CLECL1: variants seen among roughly 807,000 people sequenced by gnomAD.
The protein encoded by CLECL1 is C-type lectin-like domain family 1.
chr12:9,731,509 T>C (rs1866447052), intron 1 of CLECL1, among the ~76,000 whole-genome samples: 1 of 152,194 alleles, frequency 6.6e-6, no homozygotes, highest in Admixed American at 6.5e-5. Context: ...GGAACAATTG[T>C]GTAGGACTCT....
chr12:9,708,838 A>G, the CLECL1 span: 69 of 207,390 alleles, frequency 3.3e-4, no homozygotes, highest in African/African-American at 1.5e-3. Flanking sequence ...CTGAAAGAAG[A>G]GAATGATGGA....
upstream of CLECL1, chr12:9,733,111 A>C (rs113575400): frequency 6.2e-7 from 1 of 1,613,172 alleles, no homozygotes; most frequent in Admixed American, 1.7e-5. Flanking sequence ...GAAACTTCTG[A>C]TAAGTAAATT....
chr12:9,708,716 G>T, the CLECL1 span, among the ~76,000 whole-genome samples: 1 of 152,146 alleles, frequency 6.6e-6, no homozygotes, highest in African/African-American at 2.4e-5. Flanking sequence ...GGTACCTACC[G>T]CATTGGTACC....
intron 1 of CLECL1, 137 bp downstream of exon 1, chr12:9,732,812 C>G (rs907376584): frequency 2.9e-6 from 2 of 685,902 alleles, no homozygotes; most frequent in African/African-American, 3.6e-5. Flanking sequence ...AACATTCGCT[C>G]TTATTCTTAG....
At chr12:9,702,925 A>G in the CLECL1 span, among the ~76,000 whole-genome samples, 1 of 152,320 alleles carries the variant, frequency 6.6e-6, no homozygotes, top group South Asian at 2.1e-4. Flanking sequence ...TTTCAGTAAA[A>G]TCAGTGAAGG....
chr12:9,724,068 C>A (rs1866346553), intron 3 of CLECL1, among the ~76,000 whole-genome samples: 1 of 151,118 alleles, frequency 6.6e-6, no homozygotes, highest in Non-Finnish European at 1.5e-5. Context: ...GTGCCTGTAA[C>A]CCCAGCTACT....
chr12:9,703,953 TATG>T, the CLECL1 span: 126 of 151,702 alleles, frequency 8.3e-4, no homozygotes, highest in Non-Finnish European at 1.7e-3. Flanking sequence ...TGAACATATG[TATG>T]ATATTTTCCA....
intron 3 of CLECL1, among the ~76,000 whole-genome samples, chr12:9,725,489 C>T (rs753640997): frequency 2.6e-4 from 40 of 152,144 alleles, no homozygotes; most frequent in Admixed American, 9.8e-4. Flanking sequence ...AGTTTCACTT[C>T]TCTGATAGAC....
At chr12:9,733,839 T>G (rs746937953), upstream of CLECL1, among the ~76,000 whole-genome samples, 2 of 152,334 alleles carry the variant, frequency 1.3e-5, no homozygotes, top group East Asian at 3.9e-4. Flanking sequence ...TGAATAAAAA[T>G]TTGTTAGTCT....
At chr12:9,706,492 T>C in the CLECL1 span, among the ~76,000 whole-genome samples, 3 of 152,234 alleles carry the variant, frequency 2.0e-5, no homozygotes, top group East Asian at 5.8e-4. Flanking sequence ...TGACTGTAGA[T>C]TTGTCATATA....
upstream of CLECL1, among the ~76,000 whole-genome samples, chr12:9,733,710 A>T (rs1380062711): frequency 6.6e-6 from 1 of 152,028 alleles, no homozygotes; most frequent in Non-Finnish European, 1.5e-5. Flanking sequence ...AGGTAATGAC[A>T]TAAAAGAAAA....
At chr12:9,725,288 T>C (rs1027098187) in intron 3 of CLECL1, among the ~76,000 whole-genome samples, 2 of 152,122 alleles carry the variant, frequency 1.3e-5, no homozygotes, top group Non-Finnish European at 2.9e-5. Context: ...TCAACATATC[T>C]TCAAAAAACA....
chr12:9,707,252 G>T, the CLECL1 span, among the ~76,000 whole-genome samples: 1 of 152,154 alleles, frequency 6.6e-6, no homozygotes, highest in South Asian at 2.1e-4. Context: ...TAGGCATGCA[G>T]TAGATACCAG....
chr12:9,720,531 G>A (rs539157936), downstream of CLECL1, among the ~76,000 whole-genome samples: 4 of 152,004 alleles, frequency 2.6e-5, 1 homozygote, highest in African/African-American at 4.8e-5. Context: ...TAGTAGAGAC[G>A]GGGTTTCTCC....
chr12:9,725,698 A>G (rs1470080808), intron 3 of CLECL1, among the ~76,000 whole-genome samples: 1 of 152,078 alleles, frequency 6.6e-6, no homozygotes, highest in African/African-American at 2.4e-5. Context: ...GAGAAACAAC[A>G]CTGTTGTTTC....
At chr12:9,708,121 A>G in the CLECL1 span, among the ~76,000 whole-genome samples, 6 of 152,150 alleles carry the variant, frequency 3.9e-5, no homozygotes, top group Non-Finnish European at 7.4e-5. Flanking sequence ...GGACTGTACA[A>G]GGTGCTTCTT....
At chr12:9,727,125 A>C (rs1277422307) in intron 3 of CLECL1, among the ~76,000 whole-genome samples, 1 of 151,802 alleles carries the variant, frequency 6.6e-6, no homozygotes, top group Non-Finnish European at 1.5e-5. Context: ...ACTGACTTTT[A>C]AAATATGCAA....
chr12:9,720,667 T>C (rs774100432), downstream of CLECL1, among the ~76,000 whole-genome samples: 1 of 152,248 alleles, frequency 6.6e-6, no homozygotes, highest in South Asian at 2.1e-4. Flanking sequence ...CACTGTTTTC[T>C]CTCTCCAGGT....
chr12:9,722,982 CAT>C (rs1192416506), intron 3 of CLECL1, among the ~76,000 whole-genome samples, 169 bp from the exon 2 acceptor site: 1 of 152,138 alleles, frequency 6.6e-6, no homozygotes, highest in African/African-American at 2.4e-5. Context: ...GAATTGAAGT[CAT>C]GTGTATATTC....
Sources: allele counts gnomAD v4.1 joint callset (sites outside exome capture counted in the v4.1 genomes callset), GRCh38; gene constraint gnomAD v4.1.1; transcripts MANE v1.5; gene names NCBI Gene and HGNC (gene_info 2026-07-23, HGNC 2026-07-21).